The following GLI2 variants were observed in gnomAD, a reference collection of about 807,000 sequenced individuals.
The protein encoded by GLI2 is transcription activator GLI2.
GLI2 carries 22 observed loss-of-function variants against 78.9 expected under a neutral mutation model. The observed-to-expected ratio is 0.28, with a 90% CI of 0.20 to 0.40. GLI2 has a LOEUF of 0.40. Among genes scored for constraint, GLI2 ranks in the 10% least tolerant of loss-of-function variants. The probability of loss-of-function intolerance (pLI) is 1.00; values close to 1 mark genes in which losing one functional copy is unlikely to be tolerated. For synonymous variants in GLI2, 974 were observed against 963.7 expected (o/e 1.01, Z -0.20); for missense variants, 2,097 against 2,213.2 (o/e 0.95, Z 1.05).
chr2:120,926,076 A>AG (rs1679654878), intron 2 of GLI2, among the ~76,000 whole-genome samples: 1 of 149,700 alleles, frequency 6.7e-6, no homozygotes, highest in Non-Finnish European at 1.5e-5. Flanking sequence ...CCGTCTCAAA[A>AG]AAAAAAAAAA....
At chr2:120,752,090 A>G (rs575427553) in intron 1 of GLI2, among the ~76,000 whole-genome samples, 5 of 152,196 alleles carry the variant, frequency 3.3e-5, no homozygotes, top group Admixed American at 3.3e-4. Flanking sequence ...ATTGATATAG[A>G]CCAGTGTTTT....
chr2:120,910,112 C>T (rs907519249), intron 2 of GLI2, among the ~76,000 whole-genome samples: 9 of 152,170 alleles, frequency 5.9e-5, no homozygotes. Flanking sequence ...GTGGTTTCCT[C>T]CTTTTAGCTG....
At position 120,797,469 on chromosome 2, in the gene GLI2, G is replaced by A. The variant is rs913288592; in HGVS notation, c.148+1G>A. 20 of 1,613,536 alleles carry A rather than the reference G, an allele frequency of 1.2e-5. No homozygotes were observed. Among genetic ancestry groups the A allele is most frequent in the African/African-American group, 2.7e-5 (2 of 74,908 alleles). ...GCAGCAGCGGTAGCTGCCCAAGGAG[G>A]TACTTTCTGTTTCGCACACTTGGAG... On this transcript the variant is annotated splice_donor_variant, in intron 2 of 13. Coordinates refer to ENST00000361492, the MANE Select transcript of GLI2 (RefSeq NM_001374353.1). LOFTEE classifies it high-confidence loss of function.
intron 2 of GLI2, among the ~76,000 whole-genome samples, chr2:120,854,327 C>G (rs1464997616): frequency 6.6e-6 from 1 of 152,210 alleles, no homozygotes; most frequent in African/African-American, 2.4e-5. Flanking sequence ...CCTCCATCCT[C>G]TGGTCACACT....
chr2:120,924,737 C>G (rs1413527196), intron 2 of GLI2, among the ~76,000 whole-genome samples: 1 of 152,208 alleles, frequency 6.6e-6, no homozygotes, highest in Non-Finnish European at 1.5e-5. Flanking sequence ...GCCCCCCACC[C>G]TCCCTAGGGT....
At chr2:120,958,337 G>T (rs1681377390) in intron 5 of GLI2, among the ~76,000 whole-genome samples, 1 of 152,232 alleles carries the variant, frequency 6.6e-6, no homozygotes, top group Middle Eastern at 3.4e-3. Flanking sequence ...ACTCTTGCAG[G>T]ATTCTGTATC....
chr2:120,800,979 G>T lies in GLI2; in HGVS notation c.148+3511G>T, dbSNP rs1684682486. On this transcript the variant is annotated intron_variant, in intron 2 of 13. Transcript: ENST00000361492. The surrounding 1 kb of genome is among the most constrained non-coding windows in gnomAD (Gnocchi z 4.1). ...CATCTGTAAGGTATCCAGATGTGGG[G>T]GCACCCTGCATTCCCCGGCAGCTCA... is the stretch of plus-strand genomic sequence containing the variant. 6.6e-6 allele frequency among the ~76,000 whole-genome samples: 1 copy of T among 152,136 alleles called. No homozygotes were observed. Among genetic ancestry groups the T allele is most frequent in the Non-Finnish European group, 1.5e-5 (1 of 68,024 alleles).
At chr2:120,879,844 C>T (rs1056747216) in intron 2 of GLI2, among the ~76,000 whole-genome samples, 1 of 152,300 alleles carries the variant, frequency 6.6e-6, no homozygotes, top group South Asian at 2.1e-4. Flanking sequence ...CCGCGGGAGG[C>T]GGGCTCTTGA....
At chr2:120,814,297 G>A (rs902668186) in intron 2 of GLI2, among the ~76,000 whole-genome samples, 6 of 152,224 alleles carry the variant, frequency 3.9e-5, no homozygotes, top group African/African-American at 1.4e-4. Context: ...AGAGATGGGG[G>A]TGGTAAGTGC....
At chr2:120,840,192 A>G (rs1323509959) in intron 2 of GLI2, among the ~76,000 whole-genome samples, 1 of 152,234 alleles carries the variant, frequency 6.6e-6, no homozygotes, top group Non-Finnish European at 1.5e-5. Flanking sequence ...CAGTTTTGAA[A>G]AATTTCCACC....
At chr2:120,894,121 G>T (rs1223007653) in intron 2 of GLI2, among the ~76,000 whole-genome samples, 1 of 152,218 alleles carries the variant, frequency 6.6e-6, no homozygotes, top group African/African-American at 2.4e-5. Context: ...AGCTCCAGCT[G>T]AGTTCCTTTC....
chr2:120,883,795 G>A (rs956286468), intron 2 of GLI2, among the ~76,000 whole-genome samples: 33 of 152,208 alleles, frequency 2.2e-4, no homozygotes, highest in Admixed American at 7.2e-4. Context: ...ATGATAGGTA[G>A]CCTCTGGCCC....
chr2:120,767,483 C>T (rs948775882), intron 1 of GLI2, among the ~76,000 whole-genome samples: 4 of 152,222 alleles, frequency 2.6e-5, no homozygotes, highest in Non-Finnish European at 5.9e-5. Flanking sequence ...TATGGGTCTC[C>T]TCATTTCCAA....
intron 5 of GLI2, among the ~76,000 whole-genome samples, chr2:120,964,141 AG>A (rs1215417333): frequency 2.6e-5 from 4 of 152,200 alleles, no homozygotes; most frequent in Non-Finnish European, 5.9e-5. Flanking sequence ...GTTTGGAGAG[AG>A]AGGCCTGAGC....
intron 5 of GLI2, among the ~76,000 whole-genome samples, chr2:120,962,039 C>A (rs1380275288): frequency 6.6e-6 from 1 of 152,150 alleles, no homozygotes; most frequent in African/African-American, 2.4e-5. Flanking sequence ...GATCCCCAGC[C>A]CCGATTCCAT....
chr2:120,812,469 G>A (rs926185512), intron 2 of GLI2, among the ~76,000 whole-genome samples: 14 of 152,308 alleles, frequency 9.2e-5, no homozygotes, highest in Non-Finnish European at 1.6e-4. Context: ...AAGCTGAGAC[G>A]CAGGCCGGAT....
intron 1 of GLI2, among the ~76,000 whole-genome samples, chr2:120,796,561 C>T (rs561301018): frequency 6.6e-6 from 1 of 152,330 alleles, no homozygotes; most frequent in Non-Finnish European, 1.5e-5. Context: ...CCTCAGGCAT[C>T]CCATCCCTAC....
intron 2 of GLI2, among the ~76,000 whole-genome samples, chr2:120,917,662 A>G (rs10206938): frequency 0.19 from 28,180 of 152,300 alleles, 5,782 homozygotes; most frequent in African/African-American, 0.52. Flanking sequence ...ATGAGATGTC[A>G]TAGGCTGGGA....
At chr2:120,905,121 G>A (rs909729628) in intron 2 of GLI2, among the ~76,000 whole-genome samples, 5 of 152,204 alleles carry the variant, frequency 3.3e-5, no homozygotes, top group African/African-American at 1.2e-4. Context: ...AATGTGGCTG[G>A]AAGTATTAGC....
Sources: gnomAD v4.1 joint callset for allele counts (sites outside exome capture counted in the v4.1 genomes callset) on GRCh38, gnomAD v4.1.1 for gene constraint, Gnocchi (gnomAD v3.1) non-coding constraint, MANE v1.5 for transcripts, NCBI Gene and HGNC (gene_info 2026-07-23, HGNC 2026-07-21) for gene names.